Variants in NCF1 observed in about 807,000 individuals in gnomAD.
NCF1 encodes neutrophil cytosol factor 1.
Under a neutral mutation model 34.9 loss-of-function variants are expected in NCF1, and 8 were observed. That is an observed-to-expected ratio of 0.23 (90% CI 0.13 to 0.41). The LOEUF (loss-of-function observed/expected upper bound fraction) is 0.41, where lower values mean the gene tolerates loss of function less well. Ranked by LOEUF, NCF1 falls within the 10% of genes least tolerant of loss-of-function variation. The pLI is 1.00. For synonymous variants in NCF1, 57 were observed against 146.3 expected (o/e 0.39, Z 4.41); for missense variants, 122 against 362.4 (o/e 0.34, Z 5.39).
Position 74,783,599 on chromosome 7 carries a change from G to C in NCF1, c.649G>C (p.Asp217His). The C allele has an allele frequency of 6.2e-7, 1 of 1,611,716 alleles. No homozygotes were observed. The highest frequency in any genetic ancestry group is 8.5e-7 in the Non-Finnish European group (1 of 1,179,710). Reference sequence around the variant, plus strand: ...CTTCCTCGAGCCCCTGGACAGTCCTGACGAGACGGAAGACCCTGAGCCCAA... The same window carrying C: ...CTTCCTCGAGCCCCTGGACAGTCCTCACGAGACGGAAGACCCTGAGCCCAA... Reference protein sequence around the residue: ...ASFLEPLDSPDETEDPEPNYA... With the variant: ...ASFLEPLDSPHETEDPEPNYA... The change falls in exon 7 of 11, where the codon GAC (aspartate) becomes CAC (histidine). Residue 217 changes from aspartate to histidine, a missense_variant. Physicochemically the swap from Asp to His is moderately conservative, Grantham distance 81 (BLOSUM62 -1). This residue lies in a region of NCF1 where 57 missense variants were observed against 89.3 expected (regional missense o/e 0.64). Coordinates refer to ENST00000289473, the MANE Select transcript of NCF1 (RefSeq NM_000265.7).
At position 74,783,517 on chromosome 7, in the gene NCF1, T is replaced by C. The variant is rs1796616559; in HGVS notation, c.575-8T>C. The C allele has an allele frequency of 5.0e-6, 8 of 1,611,314 alleles. No homozygotes were observed. In the South Asian group the frequency reaches 7.7e-5, roughly 16 times the overall value. On this transcript the variant is annotated splice_polypyrimidine_tract_variant and splice_region_variant and intron_variant, in intron 6 of 10. Transcript: ENST00000289473. ...CCCCTCAGTCACATTCCCGCACCTC[T>C]GGCACAGGTTGGTGGTTCTGTCAGA...
At position 74,786,191 on chromosome 7, in the gene NCF1, C is replaced by T. The variant is rs587720716; in HGVS notation, c.800+892C>T. ...TGGAGGCTGCAGTGAGCTATGACTG[C>T]ACCACTGCACCCCAGCCTGGGTGAT... On this transcript the variant is annotated intron_variant, in intron 8 of 10. Transcript: ENST00000289473. Among the ~76,000 whole-genome samples, 7 of 98,758 alleles carry T rather than the reference C, an allele frequency of 7.1e-5. No homozygotes were observed. In the East Asian group the frequency reaches 1.7e-3, roughly 24 times the overall value. The allele number at this position is 98,758 out of a possible 152,430, so 64.8% of individuals were successfully genotyped here. A position where few individuals can be genotyped will look rare whatever the true frequency, so the allele number is the denominator to read the frequency against.
Position 74,777,363 on chromosome 7 carries a change from G to C in NCF1, c.153+16G>C, listed in dbSNP as rs373480987. On this transcript the variant is annotated intron_variant, in intron 2 of 10. Coordinates refer to ENST00000289473, the MANE Select transcript of NCF1 (RefSeq NM_000265.7). ...CGAGTTCCATGTGAGTGTGGGGATG[G>C]AGGAGGGACAGGGACCCACCGTTCC... 44 of 1,527,408 alleles carry C rather than the reference G, an allele frequency of 2.9e-5. No homozygotes were observed. In the African/African-American group the frequency reaches 5.9e-4, roughly 20 times the overall value. The allele number at this position is 1,527,408 out of a possible 1,614,324, so 94.6% of individuals were successfully genotyped here. A position where few individuals can be genotyped will look rare whatever the true frequency, so the allele number is the denominator to read the frequency against.
intron 9 of NCF1, 35 bp from the exon 10 acceptor site, chr7:74,788,524 T>A (rs1796714755): frequency 6.5e-7 from 1 of 1,533,508 alleles, no homozygotes. Context: ...AGGGGCGCCC[T>A]CGGGCTTTGA....
At chr7:74,788,797 G>C in intron 10 of NCF1, 93 bp downstream of exon 10, 2 of 1,398,784 alleles carry the variant, frequency 1.4e-6, no homozygotes, top group South Asian at 2.5e-5. Context: ...GTAGCGGGGC[G>C]GGACCAGAGG....
chr7:74,787,450 C>CG (rs1162344173), intron 8 of NCF1, among the ~76,000 whole-genome samples: 17 of 151,886 alleles, frequency 1.1e-4, no homozygotes, highest in Admixed American at 9.2e-4. Context: ...TGGGGTTGGG[C>CG]GGGGGAAAAG....
At chr7:74,778,770 G>T (rs1584370071) in intron 2 of NCF1, among the ~76,000 whole-genome samples, 1 of 129,180 alleles carries the variant, frequency 7.7e-6, no homozygotes. Context: ...CGCCTCCCAG[G>T]TTTAAGCGAT....
At chr7:74,785,791 G>A (rs1468439692) in intron 8 of NCF1, among the ~76,000 whole-genome samples, 7 of 147,374 alleles carry the variant, frequency 4.7e-5, no homozygotes, top group African/African-American at 1.3e-4. Context: ...TCTGAGACAA[G>A]AGAATCACTT....
chr7:74,786,234 C>CAAAAA (rs60312903), intron 8 of NCF1, among the ~76,000 whole-genome samples: 1 of 36,956 alleles, frequency 2.7e-5, no homozygotes, highest in Non-Finnish European at 5.3e-5. Flanking sequence ...GACCCTGTCT[C>CAAAAA]AAAAAAAAAA....
chr7:74,783,718 G>A, intron 7 of NCF1, 86 bp downstream of exon 7: 1 of 1,511,916 alleles, frequency 6.6e-7, no homozygotes, highest in Non-Finnish European at 9.0e-7. Flanking sequence ...TTTGGAGTCT[G>A]GGCTGGTTGC....
At position 74,788,718 on chromosome 7, in the gene NCF1, G is replaced by A. The variant is rs1796720255; in HGVS notation, c.1051+14G>A. 2.6e-6 allele frequency: 4 copies of A among 1,550,386 alleles called. No homozygotes were observed. The highest frequency in any genetic ancestry group is 1.4e-5 in the African/African-American group (1 of 72,270). On this transcript the variant is annotated intron_variant, in intron 10 of 10. Coordinates refer to ENST00000289473, the MANE Select transcript of NCF1 (RefSeq NM_000265.7). ...GGAGCCCGCTCGGTGAGTGCAGCGG[G>A]AGAGGGCAGGAAGGGCAAGCCCTAG...
In NCF1 at chr7:74,783,601, C is replaced by G. The variant is rs376919169; in HGVS notation, c.651C>G (p.Asp217Glu). 6.2e-7 allele frequency: 1 copy of G among 1,611,516 alleles called. No individual in the cohort carries two copies. The highest frequency in any genetic ancestry group is 8.5e-7 in the Non-Finnish European group (1 of 1,179,670). ...TCCTCGAGCCCCTGGACAGTCCTGA[C>G]GAGACGGAAGACCCTGAGCCCAACT... ...ASFLEPLDSP[D>E]ETEDPEPNYA... Residue 217 changes from aspartate (D) to glutamate (E), a missense_variant, in exon 7 of 11, where the codon GAC (aspartate) becomes GAG (glutamate). Physicochemically the swap from Asp to Glu is conservative, Grantham distance 45. Coordinates refer to ENST00000289473, the MANE Select transcript of NCF1 (RefSeq NM_000265.7).
chr7:74,782,069 A>T (rs1430664650), intron 5 of NCF1, among the ~76,000 whole-genome samples: 1 of 123,006 alleles, frequency 8.1e-6, no homozygotes, highest in Admixed American at 9.1e-5. Flanking sequence ...TCAGAAATGC[A>T]CACTCAGGTC....
chr7:74,775,908 TG>T (rs1182107670), intron 1 of NCF1, among the ~76,000 whole-genome samples: 3 of 149,106 alleles, frequency 2.0e-5, no homozygotes, highest in Non-Finnish European at 4.5e-5. Context: ...TCGCATTTTT[TG>T]GTAGAGACAG....
intron 1 of NCF1, among the ~76,000 whole-genome samples, chr7:74,775,899 C>T (rs587739768): frequency 2.0e-5 from 3 of 149,926 alleles, no homozygotes; most frequent in African/African-American, 4.9e-5. Context: ...ATGCCCAGCT[C>T]GCATTTTTTG....
At chr7:74,777,860 CT>C (rs1393325567) in intron 2 of NCF1, among the ~76,000 whole-genome samples, 1 of 112,666 alleles carries the variant, frequency 8.9e-6, no homozygotes, top group Admixed American at 9.9e-5. Flanking sequence ...ATTTTTCCCC[CT>C]GAAACATTTA....
intron 8 of NCF1, among the ~76,000 whole-genome samples, chr7:74,786,234 C>CAAAA (rs60312903): frequency 2.7e-5 from 1 of 36,954 alleles, no homozygotes; most frequent in Non-Finnish European, 5.3e-5. Context: ...GACCCTGTCT[C>CAAAA]AAAAAAAAAA....
At chr7:74,785,782 C>G (rs1554414482) in intron 8 of NCF1, among the ~76,000 whole-genome samples, 2 of 150,096 alleles carry the variant, frequency 1.3e-5, no homozygotes, top group East Asian at 1.9e-4. Flanking sequence ...ACTCGGGAGT[C>G]TGAGACAAGA....
intron 5 of NCF1, among the ~76,000 whole-genome samples, chr7:74,782,592 C>T (rs1420014675): frequency 2.0e-5 from 3 of 150,982 alleles, no homozygotes; most frequent in Non-Finnish European, 4.4e-5. Flanking sequence ...AAAAATTAGC[C>T]GGGTGTGGTG....
Sources: gnomAD v4.1 joint callset for allele counts (sites outside exome capture counted in the v4.1 genomes callset) on GRCh38, gnomAD v4.1.1 for gene constraint, gnomAD v4.1.1 regional missense constraint, MANE v1.5 for transcripts, NCBI Gene and HGNC (gene_info 2026-07-23, HGNC 2026-07-21) for gene names.